Variants in RAP1GDS1 observed in about 807,000 individuals in gnomAD.
RAP1GDS1 encodes RAP1, GTP-GDP dissociation stimulator 1.
RAP1GDS1 carries 35 observed loss-of-function variants against 71.1 expected under a neutral mutation model. That is an observed-to-expected ratio of 0.49 (90% CI 0.38 to 0.65). The LOEUF (loss-of-function observed/expected upper bound fraction) is 0.65, where lower values mean the gene tolerates loss of function less well. Among genes scored for constraint, RAP1GDS1 ranks in the 30% least tolerant of loss-of-function variants. The pLI is 0.00. For missense variants in RAP1GDS1, 663 were observed against 706.1 expected, an observed-to-expected ratio of 0.94 and a Z score of 0.69; for synonymous variants, 229 against 243.1, an observed-to-expected ratio of 0.94 and a Z score of 0.54.
chr4:98,407,924 G>T (rs1465625951), intron 7 of RAP1GDS1, among the ~76,000 whole-genome samples: 4 of 151,998 alleles, frequency 2.6e-5, no homozygotes, highest in Non-Finnish European at 4.4e-5. Context: ...AATTACTACA[G>T]TTGAGTCTGA....
chr4:98,370,900 C>T (rs932083569), intron 4 of RAP1GDS1, among the ~76,000 whole-genome samples: 5 of 152,058 alleles, frequency 3.3e-5, no homozygotes, highest in Non-Finnish European at 5.9e-5. Context: ...GTTTACTACT[C>T]TGTCTTCCTC....
At chr4:98,356,712 G>A (rs1738024430) in intron 4 of RAP1GDS1, among the ~76,000 whole-genome samples, 1 of 151,976 alleles carries the variant, frequency 6.6e-6, no homozygotes, top group African/African-American at 2.4e-5. Flanking sequence ...GGAAAGATAT[G>A]TACACTTAAG....
At chr4:98,422,541 C>T (rs1178737627) in intron 12 of RAP1GDS1, among the ~76,000 whole-genome samples, 1 of 152,124 alleles carries the variant, frequency 6.6e-6, no homozygotes, top group East Asian at 1.9e-4. Context: ...TAAGGTGACC[C>T]TTTCAGTCAT....
At chr4:98,293,539 A>G in intron 2 of RAP1GDS1, 24 bp downstream of exon 2, 1 of 1,538,900 alleles carries the variant, frequency 6.5e-7, no homozygotes, top group Middle Eastern at 1.7e-4. Context: ...TGTTTACTCA[A>G]ATTCCAAAGA....
intron 2 of RAP1GDS1, among the ~76,000 whole-genome samples, chr4:98,315,849 G>A (rs912111645): frequency 3.3e-5 from 5 of 152,132 alleles, no homozygotes; most frequent in Non-Finnish European, 5.9e-5. Flanking sequence ...TGTGTTGACA[G>A]TGCTGGAGAA....
chr4:98,267,798 C>T (rs1040880732), intron 1 of RAP1GDS1, among the ~76,000 whole-genome samples: 5 of 151,974 alleles, frequency 3.3e-5, no homozygotes, highest in South Asian at 2.1e-4. Context: ...AATAGTGCTG[C>T]GATGAAGATC....
At chr4:98,399,814 TCA>T (rs1560960247) in intron 6 of RAP1GDS1, among the ~76,000 whole-genome samples, 1 of 151,966 alleles carries the variant, frequency 6.6e-6, no homozygotes, top group Non-Finnish European at 1.5e-5. Context: ...AAAAAAGAAC[TCA>T]CACTGGGAGT....
At chr4:98,414,900 G>A (rs913298412) in intron 7 of RAP1GDS1, among the ~76,000 whole-genome samples, 1 of 150,992 alleles carries the variant, frequency 6.6e-6, no homozygotes, top group African/African-American at 2.4e-5. Context: ...CTTGAGCAGT[G>A]GTTTGTAGTT....
At chr4:98,301,023 T>G (rs1009598738) in intron 2 of RAP1GDS1, among the ~76,000 whole-genome samples, 3 of 150,380 alleles carry the variant, frequency 2.0e-5, no homozygotes, top group East Asian at 1.9e-4. Flanking sequence ...TTTCCTGTAT[T>G]TGCAATCTCT....
At chr4:98,273,791 T>C (rs537296928) in intron 1 of RAP1GDS1, among the ~76,000 whole-genome samples, 10 of 152,280 alleles carry the variant, frequency 6.6e-5, no homozygotes, top group South Asian at 4.1e-4. Context: ...TTGTTTTTTT[T>C]CCCAAGACTT....
At chr4:98,319,546 C>A (rs1004340152) in intron 2 of RAP1GDS1, among the ~76,000 whole-genome samples, 1 of 151,784 alleles carries the variant, frequency 6.6e-6, no homozygotes, top group African/African-American at 2.4e-5. Flanking sequence ...TTTGGGAGGC[C>A]GGGGTGAGCA....
At chr4:98,426,746 A>C (rs2110203970) in intron 12 of RAP1GDS1, among the ~76,000 whole-genome samples, 1 of 152,260 alleles carries the variant, frequency 6.6e-6, no homozygotes, top group South Asian at 2.1e-4. Context: ...CAACAAAAAA[A>C]AGTCCAGGAC....
chr4:98,317,324 G>C (rs1731082655), intron 2 of RAP1GDS1, among the ~76,000 whole-genome samples: 1 of 152,140 alleles, frequency 6.6e-6, no homozygotes, highest in African/African-American at 2.4e-5. Context: ...ATGATATTTA[G>C]TAAATCCAGA....
At position 98,292,308 on chromosome 4, in the gene RAP1GDS1, A is replaced by C. The variant is rs545184283; in HGVS notation, c.5-1100A>C. ...ATATGCAGTTAATTTTTTTATTTTT[A>C]TTTTTCTTAGAGAAGAGGACTCACT... On this transcript the variant is annotated intron_variant, in intron 1 of 14. Coordinates refer to ENST00000408927, the MANE Select transcript of RAP1GDS1 (RefSeq NM_001100427.2). Among the ~76,000 whole-genome samples the C allele has an allele frequency of 5.3e-5, 8 of 151,452 alleles. No individual in the cohort carries two copies. In the East Asian group the frequency reaches 1.2e-3, roughly 22 times the overall value.
intron 4 of RAP1GDS1, among the ~76,000 whole-genome samples, chr4:98,369,290 AAATAT>A (rs1740004258): frequency 1.3e-5 from 2 of 152,180 alleles, no homozygotes; most frequent in Non-Finnish European, 2.9e-5. Context: ...AAAACTTCTT[AAATAT>A]AATGTTTCAG....
intron 4 of RAP1GDS1, among the ~76,000 whole-genome samples, chr4:98,378,082 T>C (rs1293436214): frequency 1.3e-5 from 2 of 151,948 alleles, no homozygotes; most frequent in Non-Finnish European, 2.9e-5. Context: ...TGTCTATTAG[T>C]AAATTTAAAT....
At chr4:98,275,396 A>T (rs1724061297) in intron 1 of RAP1GDS1, among the ~76,000 whole-genome samples, 1 of 152,096 alleles carries the variant, frequency 6.6e-6, no homozygotes, top group Non-Finnish European at 1.5e-5. Flanking sequence ...CAACCCCTCA[A>T]CTCTGCTATC....
intron 4 of RAP1GDS1, among the ~76,000 whole-genome samples, chr4:98,365,871 G>A (rs1287953186): frequency 2.6e-5 from 4 of 152,062 alleles, no homozygotes; most frequent in Non-Finnish European, 2.9e-5. Context: ...GAAATAAAAC[G>A]GGGATGAAAG....
In RAP1GDS1 at chr4:98,387,498, A is replaced by T. The variant is rs73834465; in HGVS notation, c.509-4454A>T. On this transcript the variant is annotated intron_variant, in intron 5 of 14. Transcript: ENST00000408927. ...AGAACTTGGAACCATTGAAATTCAAATGTAGGTAGGTAAGTGTTCACACCA... is the reference window on the plus strand; with the variant it reads ...AGAACTTGGAACCATTGAAATTCAATTGTAGGTAGGTAAGTGTTCACACCA... 756 of 455,940 alleles carry T rather than the reference A, an allele frequency of 1.7e-3. 6 individuals are homozygous for T. Among genetic ancestry groups the T allele is most frequent in the African/African-American group, 0.014 (683 of 50,180 alleles). 28.2% of individuals were successfully genotyped at this position (455,940 alleles called of 1,614,324 possible). A position where few individuals can be genotyped will look rare whatever the true frequency, so the allele number is the denominator to read the frequency against.
Sources: allele counts gnomAD v4.1 joint callset (sites outside exome capture counted in the v4.1 genomes callset), GRCh38; gene constraint gnomAD v4.1.1; transcripts MANE v1.5; gene names NCBI Gene and HGNC (gene_info 2026-07-23, HGNC 2026-07-21).